The following EYS variants were observed in gnomAD, a reference collection of about 807,000 sequenced individuals.
EYS encodes EGF-like photoreceptor maintenance factor, also known as protein eyes shut homolog.
In EYS, 250 loss-of-function variants were observed where a neutral mutation model predicts 282.1. That is an observed-to-expected ratio of 0.89 (90% CI 0.80 to 0.98). EYS has a LOEUF of 0.98. Ranked by LOEUF, EYS falls within the 50% of genes least tolerant of loss-of-function variation. EYS has a pLI of 0.00. For synonymous variants in EYS, 1,355 were observed against 1,282.9 expected, an observed-to-expected ratio of 1.06 and a Z score of -1.20; for missense variants, 4,016 against 3,709.0, an observed-to-expected ratio of 1.08 and a Z score of -2.15.
Position 64,436,197 on chromosome 6 carries a change from C to A in EYS, c.5904G>T (p.Gly1968=). ...ACCTGATAAGCAGTGTATACTTTTG[C>A]CCGTTGTCCACTCTAACAGTAGTAT... ...SINTTVRVDN[G]QKYTLLIRQE... The change falls in exon 28 of 43, where the codon GGG becomes GGT. Residue 1968 remains glycine (G), a synonymous_variant. Transcript: ENST00000503581. 6.5e-7 allele frequency: 1 copy of A among 1,540,008 alleles called. No homozygotes were observed. Among genetic ancestry groups the A allele is most frequent in the Non-Finnish European group, 8.8e-7 (1 of 1,139,270 alleles).
intron 31 of EYS, among the ~76,000 whole-genome samples, chr6:64,115,561 C>T (rs1430367987): frequency 6.6e-6 from 1 of 152,174 alleles, no homozygotes; most frequent in Non-Finnish European, 1.5e-5. Context: ...AGCTGAGGAT[C>T]CCTGCAATCT....
intron 13 of EYS, among the ~76,000 whole-genome samples, chr6:65,000,305 A>T (rs1299084941): frequency 6.6e-6 from 1 of 152,186 alleles, no homozygotes; most frequent in African/African-American, 2.4e-5. Context: ...GTTTATAAAT[A>T]TTTCATACTA....
At chr6:65,655,002 T>G (rs866199918) in intron 1 of EYS, among the ~76,000 whole-genome samples, 1 of 121,212 alleles carries the variant, frequency 8.3e-6, no homozygotes, top group Non-Finnish European at 1.7e-5. Context: ...AAAAAAAAAA[T>G]GTTTGTCCAA....
intron 35 of EYS, among the ~76,000 whole-genome samples, chr6:63,959,365 G>T (rs1019917916): frequency 5.9e-5 from 9 of 152,154 alleles, no homozygotes; most frequent in Non-Finnish European, 1.0e-4. Flanking sequence ...AGAAACAATA[G>T]ATGCTGGTGA....
At chr6:64,077,035 C>T (rs1477587580) in intron 32 of EYS, among the ~76,000 whole-genome samples, 1 of 151,884 alleles carries the variant, frequency 6.6e-6, no homozygotes, top group East Asian at 1.9e-4. Flanking sequence ...TTGAATTTGT[C>T]TTTGCTGTCA....
chr6:64,071,149 G>A (rs1045801889), intron 32 of EYS, among the ~76,000 whole-genome samples: 1 of 152,054 alleles, frequency 6.6e-6, no homozygotes. Context: ...TTCTAGACGA[G>A]TGGATTAAAA....
At chr6:64,010,207 A>G (rs1166751149) in intron 33 of EYS, among the ~76,000 whole-genome samples, 1 of 152,240 alleles carries the variant, frequency 6.6e-6, no homozygotes, top group Non-Finnish European at 1.5e-5. Context: ...TCGGGGTGGC[A>G]GCAGCAGGAT....
In EYS at chr6:63,837,875, T is replaced by C. The variant is rs1771848311; in HGVS notation, c.7228+26311A>G. On this transcript the variant is annotated intron_variant, in intron 36 of 42. Transcript: ENST00000503581. ...ATTCCCTTGAAGAGTTTACGTAAGA[T>C]TGGAACTATTTCTTCCTAGTCAGAA... Among the ~76,000 whole-genome samples, 4 of 152,170 alleles carry C rather than the reference T, an allele frequency of 2.6e-5. 1 individual carries two copies. The highest frequency in any genetic ancestry group is 2.6e-4 in the Admixed American group (4 of 15,272).
chr6:63,742,672 C>A (rs1582162214), intron 41 of EYS, among the ~76,000 whole-genome samples: 1 of 152,258 alleles, frequency 6.6e-6, no homozygotes, highest in East Asian at 1.9e-4. Context: ...CTACCCCTAC[C>A]CCACAATATA....
chr6:64,878,628 A>C (rs1040023229), intron 19 of EYS, among the ~76,000 whole-genome samples: 1 of 149,988 alleles, frequency 6.7e-6, no homozygotes. Flanking sequence ...CCCTCCCCCC[A>C]CTCATAATTT....
At chr6:64,118,934 G>A (rs909848827) in intron 31 of EYS, among the ~76,000 whole-genome samples, 1 of 152,030 alleles carries the variant, frequency 6.6e-6, no homozygotes, top group African/African-American at 2.4e-5. Context: ...TAGCCAACAT[G>A]TATCTGAAAA....
At chr6:64,512,285 C>T (rs1212639304) in intron 26 of EYS, among the ~76,000 whole-genome samples, 1 of 151,978 alleles carries the variant, frequency 6.6e-6, no homozygotes, top group Non-Finnish European at 1.5e-5. Context: ...AGCGTCACTG[C>T]AAAGCATCAC....
At chr6:64,909,813 T>C (rs531078407) in intron 16 of EYS, among the ~76,000 whole-genome samples, 65 of 152,238 alleles carry the variant, frequency 4.3e-4, no homozygotes, top group African/African-American at 1.5e-3. Flanking sequence ...TCAATCACAC[T>C]AACCAAAATA....
rs536260976 is a variant in EYS, at chr6:64,617,468, A to G, written c.3634T>C (p.Cys1212Arg). 7.7e-5 allele frequency: 120 copies of G among 1,551,038 alleles called. No individual in the cohort carries two copies. The South Asian group carries it at 1.3e-3, about 17-fold the overall frequency. ...GTCGAGCCAGGTTCATTCTCCATGC[A>G]GAGTTCATGAACACATGAGTTGGGA... ...CIPNSCVHEL[C>R]MENEPGSTCL... The change falls in exon 24 of 43, where the codon TGC (cysteine) becomes CGC (arginine). Residue 1212 changes from cysteine (C) to arginine (R), a missense_variant. Physicochemically the swap from Cys to Arg is radical, Grantham distance 180. Coordinates refer to ENST00000503581, the MANE Select transcript of EYS (RefSeq NM_001142800.2).
intron 37 of EYS, among the ~76,000 whole-genome samples, chr6:63,791,052 C>T (rs77473357): frequency 0.012 from 1,836 of 152,004 alleles, 30 homozygotes; most frequent in African/African-American, 0.043. Context: ...TCAAGTTCCA[C>T]GAAGAGCAGA....
intron 12 of EYS, among the ~76,000 whole-genome samples, chr6:65,111,427 T>C (rs1044131236): frequency 2.0e-5 from 3 of 152,214 alleles, no homozygotes; most frequent in African/African-American, 4.8e-5. Context: ...AGACAAAATA[T>C]ATATTTATTA....
At chr6:64,786,929 T>C (rs1774040828) in intron 22 of EYS, among the ~76,000 whole-genome samples, 1 of 152,318 alleles carries the variant, frequency 6.6e-6, no homozygotes, top group African/African-American at 2.4e-5. Context: ...CCAAGAGAGT[T>C]TGCTGAGTTT....
intron 26 of EYS, 76 bp from the exon 27 acceptor site, chr6:64,439,428 CAT>C (rs1774861644): frequency 2.1e-6 from 2 of 955,718 alleles, no homozygotes; most frequent in Non-Finnish European, 3.0e-6. Flanking sequence ...ATTAACATAG[CAT>C]ATGTTTTCTC....
At chr6:63,942,567 G>T (rs374346207) in intron 35 of EYS, among the ~76,000 whole-genome samples, 3 of 152,060 alleles carry the variant, frequency 2.0e-5, no homozygotes, top group South Asian at 2.1e-4. Context: ...AAAACAAATC[G>T]ACATTAAACA....
Sources: gnomAD v4.1 joint callset for allele counts (sites outside exome capture counted in the v4.1 genomes callset) on GRCh38, gnomAD v4.1.1 for gene constraint, MANE v1.5 for transcripts, NCBI Gene and HGNC (gene_info 2026-07-23, HGNC 2026-07-21) for gene names.